Variants in COQ5 observed in about 807,000 individuals in gnomAD.
The protein encoded by COQ5 is coenzyme Q5, methyltransferase, also known as 2-methoxy-6-polyprenyl-1,4-benzoquinol methylase, mitochondrial.
In COQ5, 27 loss-of-function variants were observed where a neutral mutation model predicts 40.5. That is an observed-to-expected ratio of 0.67 (90% CI 0.49 to 0.92). COQ5 has a LOEUF of 0.92. Ranked by LOEUF, COQ5 falls within the 40% of genes least tolerant of loss-of-function variation. The pLI is 0.00. For missense variants in COQ5, 409 were observed against 406.4 expected (o/e 1.01, Z -0.06); for synonymous variants, 141 against 150.0 (o/e 0.94, Z 0.44).
At position 120,504,002 on chromosome 12, in the gene COQ5, G is replaced by C. The variant is rs374911897; in HGVS notation, c.850C>G (p.Leu284Val). The C allele has an allele frequency of 1.9e-6, 3 of 1,613,296 alleles. No homozygotes were observed. Among genetic ancestry groups the C allele is most frequent in the Non-Finnish European group, 2.5e-6 (3 of 1,179,242 alleles). ...IAGDWKSYQYLVESIRRFPSQ... is the reference protein window; with the variant it reads ...IAGDWKSYQYVVESIRRFPSQ... ...GGAAACCTTCGGATACTCTCTACAA[G>C]GTACTGATAGGACTTCCAGTCTCCA... The change falls in exon 6 of 7, where the codon CTT (leucine) becomes GTT (valine). Residue 284 changes from leucine (L) to valine (V), a missense_variant. Leu to Val is a conservative substitution (Grantham distance 32). Coordinates refer to ENST00000288532, the MANE Select transcript of COQ5 (RefSeq NM_032314.4).
rs545890091 is a variant in COQ5 at position 120,528,883 on chromosome 12, A to C, written c.202+57T>G. ...TGTTAAATCAACCCTAACTGGCCAG[A>C]AGAAACCAGACCATGGACGGTCAGA... On this transcript the variant is annotated intron_variant, in intron 1 of 6. Transcript: ENST00000288532. 9 of 1,502,712 alleles carry C rather than the reference A, an allele frequency of 6.0e-6. No homozygotes were observed. The South Asian group carries it at 9.0e-5, about 15-fold the overall frequency. The allele number at this position is 1,502,712 out of a possible 1,614,324, so 93.1% of individuals were successfully genotyped here.
intron 3 of COQ5, among the ~76,000 whole-genome samples, chr12:120,511,460 T>C (rs1869135016): frequency 6.6e-6 from 1 of 152,014 alleles, no homozygotes; most frequent in Middle Eastern, 3.4e-3. Flanking sequence ...ATTATCCTCA[T>C]GTTTCAGGTC....
chr12:120,515,217 A>G (rs905695379), intron 3 of COQ5, among the ~76,000 whole-genome samples: 4 of 152,060 alleles, frequency 2.6e-5, no homozygotes, highest in African/African-American at 9.7e-5. Flanking sequence ...TCAGCCTCCC[A>G]AGTAGCTGTT....
intron 6 of COQ5, 31 bp downstream of exon 6, chr12:120,503,939 G>A: frequency 6.3e-7 from 1 of 1,591,888 alleles, no homozygotes; most frequent in Non-Finnish European, 8.6e-7. Flanking sequence ...TCACTGTAGG[G>A]CCTTTGTTTA....
chr12:120,528,496 C>A (rs1226393204), intron 1 of COQ5, among the ~76,000 whole-genome samples: 3 of 152,132 alleles, frequency 2.0e-5, no homozygotes, highest in Non-Finnish European at 4.4e-5. Flanking sequence ...GGGATTTAGT[C>A]ATCAGTATTC....
chr12:120,506,523 CA>C (rs1868888296), intron 4 of COQ5, among the ~76,000 whole-genome samples: 2 of 151,896 alleles, frequency 1.3e-5, no homozygotes, highest in South Asian at 4.2e-4. Context: ...CATGCCACCA[CA>C]CCCGGCTAAT....
chr12:120,523,040 AAAAAG>A (rs2137091967), intron 1 of COQ5: 1 of 477,130 alleles, frequency 2.1e-6, no homozygotes, highest in South Asian at 5.2e-5. Context: ...CTTATAAAAA[AAAAAG>A]AGATTCTTAT....
intron 3 of COQ5, among the ~76,000 whole-genome samples, chr12:120,514,947 C>T (rs749072175): frequency 6.6e-6 from 1 of 151,990 alleles, no homozygotes; most frequent in African/African-American, 2.4e-5. Context: ...CATGTGTCAC[C>T]ACACCCAGCT....
intron 1 of COQ5, among the ~76,000 whole-genome samples, chr12:120,528,241 CA>C (rs578219249): frequency 6.6e-6 from 1 of 151,206 alleles, no homozygotes; most frequent in African/African-American, 2.4e-5. Flanking sequence ...TAAAAACAAC[CA>C]AAAAAACCCC....
intron 4 of COQ5, among the ~76,000 whole-genome samples, chr12:120,505,219 A>G (rs1868826161): frequency 6.6e-6 from 1 of 152,164 alleles, no homozygotes; most frequent in Non-Finnish European, 1.5e-5. Flanking sequence ...TAAACTGACT[A>G]CAGATTGGTA....
At chr12:120,513,274 C>CG (rs1326668338) in intron 3 of COQ5, among the ~76,000 whole-genome samples, 1 of 149,564 alleles carries the variant, frequency 6.7e-6, no homozygotes, top group Non-Finnish European at 1.5e-5. Flanking sequence ...GAGGCCGAGG[C>CG]GGGCGGATCA....
chr12:120,525,675 A>G (rs2137094561), intron 1 of COQ5, among the ~76,000 whole-genome samples: 1 of 152,196 alleles, frequency 6.6e-6, no homozygotes, highest in African/African-American at 2.4e-5. Flanking sequence ...CTATAATCCC[A>G]GAACTTTGGG....
At chr12:120,504,561 T>TTC (rs1351001657) in intron 5 of COQ5, 1 of 329,784 alleles carries the variant, frequency 3.0e-6, no homozygotes, top group East Asian at 7.5e-5. Flanking sequence ...ATTTCCTGAT[T>TTC]TTTTTTTTTT....
intron 3 of COQ5, among the ~76,000 whole-genome samples, chr12:120,513,804 G>A (rs1033580697): frequency 2.6e-5 from 4 of 152,070 alleles, no homozygotes; most frequent in Non-Finnish European, 5.9e-5. Flanking sequence ...ACAGGTATAA[G>A]CTACTGCGCC....
rs945732531 is a variant in COQ5 at position 120,508,991 on chromosome 12, C to G, written c.681+1026G>C. On this transcript the variant is annotated intron_variant, in intron 4 of 6. Transcript: ENST00000288532. ...AGTGAGCCAAGATCGCGCCACTGCA[C>G]TCCAGCCTGGCAACAGAGCGAGACT... Among the ~76,000 whole-genome samples the G allele has an allele frequency of 2.0e-5, 3 of 149,598 alleles. No homozygotes were observed. In the Admixed American group the frequency reaches 2.0e-4, roughly 10 times the overall value.
At position 120,522,269 on chromosome 12, in the gene COQ5, G is replaced by A. The variant is rs200671006; in HGVS notation, c.297C>T (p.Leu99=). 4.9e-5 allele frequency: 79 copies of A among 1,613,982 alleles called. No individual in the cohort carries two copies. Among genetic ancestry groups the A allele is most frequent in the Non-Finnish European group, 5.8e-5 (69 of 1,180,014 alleles). ...GIHRVWKDLL[L]WKMHPLPGTQ... ...TCCCAGGAAGCGGGTGCATCTTCCA[G>A]AGCAGCAAATCCTTCCAAACACGAT... Residue 99 remains leucine (L), a synonymous_variant, in exon 2 of 7, where the codon CTC becomes CTT. Transcript: ENST00000288532.
At chr12:120,509,784 T>A in intron 4 of COQ5, 2 of 528,594 alleles carry the variant, frequency 3.8e-6, no homozygotes, top group Non-Finnish European at 6.8e-6. Flanking sequence ...TCTCTCTCTC[T>A]CTCTCTCTCC....
At chr12:120,528,805 C>T (rs1159362472) in intron 1 of COQ5, 135 bp downstream of exon 1, 3 of 623,296 alleles carry the variant, frequency 4.8e-6, no homozygotes, top group Non-Finnish European at 7.9e-6. Flanking sequence ...ATTCTGTCTC[C>T]AAAAAAAAAA....
intron 1 of COQ5, among the ~76,000 whole-genome samples, chr12:120,525,851 G>A (rs576503940): frequency 1.3e-5 from 2 of 152,218 alleles, no homozygotes; most frequent in African/African-American, 4.8e-5. Flanking sequence ...CATGAACCTG[G>A]GAGGCGGAGC....
Sources: gnomAD v4.1 joint callset for allele counts (sites outside exome capture counted in the v4.1 genomes callset) on GRCh38, gnomAD v4.1.1 for gene constraint, MANE v1.5 for transcripts, NCBI Gene and HGNC (gene_info 2026-07-23, HGNC 2026-07-21) for gene names.